CYP20A1: variants seen among roughly 807,000 people sequenced by gnomAD.
The protein encoded by CYP20A1 is cytochrome P450 family 20 subfamily A member 1, also known as cytochrome P450 20A1.
A neutral mutation model predicts 61.4 loss-of-function variants in CYP20A1; 61 were observed. The ratio of observed to expected loss-of-function variants is 0.99; its 90% CI spans 0.81 to 1.23. The LOEUF (loss-of-function observed/expected upper bound fraction) is 1.23. CYP20A1 is among the 50% of genes most tolerant of loss of function. The pLI, the probability that CYP20A1 is intolerant of heterozygous loss-of-function variation, is 0.00. For synonymous variants in CYP20A1, 193 were observed against 188.2 expected (o/e 1.03, Z -0.21); for missense variants, 530 against 542.4 (o/e 0.98, Z 0.23).
intron 5 of CYP20A1, among the ~76,000 whole-genome samples, chr2:203,269,774 G>A (rs72938330): frequency 0.027 from 4,096 of 152,060 alleles, 109 homozygotes; most frequent in African/African-American, 0.068. Context: ...GATTGTAGGT[G>A]CTTGTCACCA....
At chr2:203,241,465 C>T (rs2066252295) in intron 1 of CYP20A1, among the ~76,000 whole-genome samples, 1 of 152,092 alleles carries the variant, frequency 6.6e-6, no homozygotes, top group Non-Finnish European at 1.5e-5. Context: ...GAGAAGAGGT[C>T]CCAGGGACCA....
At chr2:203,268,099 TATCTATCC>T (rs766675088) in intron 5 of CYP20A1, among the ~76,000 whole-genome samples, 7 of 152,300 alleles carry the variant, frequency 4.6e-5, no homozygotes, top group Non-Finnish European at 7.4e-5. Flanking sequence ...CTTCTATCTT[TATCTATCC>T]ATCTATCTAT....
rs144399920 is a variant in CYP20A1 at position 203,295,943 on chromosome 2, G to A, written c.1149-531G>A. 3.2e-3 allele frequency among the ~76,000 whole-genome samples: 481 copies of A among 151,466 alleles called. 1 individual carries two copies. Among genetic ancestry groups the A allele is most frequent in the Non-Finnish European group, 4.2e-3 (282 of 67,910 alleles). On this transcript the variant is annotated intron_variant, in intron 11 of 12. Coordinates refer to ENST00000356079, the MANE Select transcript of CYP20A1 (RefSeq NM_177538.3). Reference sequence around the variant, plus strand: ...CAGCCTGGTGACAGAACAAGACTCCGTCTCAAAAAAAGAAAAAAAAAGAGA... The same window carrying A: ...CAGCCTGGTGACAGAACAAGACTCCATCTCAAAAAAAGAAAAAAAAAGAGA...
chr2:203,240,255 C>G (rs1454280405), intron 1 of CYP20A1, among the ~76,000 whole-genome samples: 2 of 152,364 alleles, frequency 1.3e-5, no homozygotes, highest in East Asian at 3.8e-4. Context: ...AATCTTGCAA[C>G]TACACAATCA....
intron 5 of CYP20A1, among the ~76,000 whole-genome samples, chr2:203,270,838 G>C (rs2067534046): frequency 6.8e-6 from 1 of 146,764 alleles, no homozygotes; most frequent in Non-Finnish European, 1.5e-5. Context: ...TGAGTAGCTG[G>C]GACCACAGAT....
In CYP20A1 at chr2:203,301,221, A is replaced by G. The variant is rs2069009048; in HGVS notation, c.*4313A>G. 1.3e-5 allele frequency among the ~76,000 whole-genome samples: 2 copies of G among 149,700 alleles called. No homozygotes were observed. Among genetic ancestry groups the G allele is most frequent in the Non-Finnish European group, 3.0e-5 (2 of 67,404 alleles). The stretch of plus-strand genomic sequence containing the variant: ...AAAAAAAAAAAAAAACCATACGTAC[A>G]TAACTTTTTTTCTTTTTCTTTTCTT... On this transcript the variant is annotated 3_prime_UTR_variant, in exon 13 of 13. Transcript: ENST00000356079.
chr2:203,278,453 GT>G (rs1365388160), intron 6 of CYP20A1, 119 bp from the exon 7 acceptor site: 15 of 482,244 alleles, frequency 3.1e-5, no homozygotes, highest in African/African-American at 2.6e-4. Flanking sequence ...AGCTTTCTTT[GT>G]TGTTGGTTAC....
chr2:203,250,382 T>G (rs577039819), intron 3 of CYP20A1, among the ~76,000 whole-genome samples: 1 of 152,296 alleles, frequency 6.6e-6, no homozygotes, highest in East Asian at 1.9e-4. Context: ...CCCTTTTTTG[T>G]GGAAGAGAAA....
chr2:203,305,147 C>T lies in CYP20A1; in HGVS notation c.*8239C>T, dbSNP rs898244748. ...TATAAACAAGGTAATAAATCACACT[C>T]TTCCAGTTCTACTCCCAATTTAATT... On this transcript the variant is annotated 3_prime_UTR_variant, in exon 13 of 13. Transcript: ENST00000356079. Among the ~76,000 whole-genome samples, 8 of 149,524 alleles carry T rather than the reference C, an allele frequency of 5.4e-5. No homozygotes were observed. Among genetic ancestry groups the T allele is most frequent in the African/African-American group, 2.0e-4 (8 of 40,586 alleles).
chr2:203,290,868 C>T (rs2068503394), intron 10 of CYP20A1, among the ~76,000 whole-genome samples: 1 of 152,148 alleles, frequency 6.6e-6, no homozygotes, highest in African/African-American at 2.4e-5. Flanking sequence ...GTCTCGAACT[C>T]TTGGCCTCAA....
chr2:203,258,067 A>G lies in CYP20A1; in HGVS notation c.432+5958A>G, dbSNP rs147881456. Among the ~76,000 whole-genome samples, 22 of 54,716 alleles carry G rather than the reference A, an allele frequency of 4.0e-4. 1 individual carries two copies. The highest frequency in any genetic ancestry group is 8.4e-4 in the African/African-American group (22 of 26,346). 35.9% of individuals were successfully genotyped at this position (54,716 alleles called of 152,430 possible). ...CAGGCACGTGCCACCCTGCCCAGCT[A>G]ATTTTTGTATTTTTATGTAGAGATG... On this transcript the variant is annotated intron_variant, in intron 4 of 12. Transcript: ENST00000356079.
chr2:203,281,096 A>T (rs1180255395), intron 8 of CYP20A1, among the ~76,000 whole-genome samples: 1 of 152,216 alleles, frequency 6.6e-6, no homozygotes, highest in Non-Finnish European at 1.5e-5. Flanking sequence ...AATATTTGAT[A>T]TGTTTCTAAG....
chr2:203,242,303 G>C (rs1211359843), intron 1 of CYP20A1, among the ~76,000 whole-genome samples: 1 of 152,154 alleles, frequency 6.6e-6, no homozygotes, highest in African/African-American at 2.4e-5. Context: ...AAGAAGAGCG[G>C]TTTCAGTGTA....
intron 4 of CYP20A1, among the ~76,000 whole-genome samples, chr2:203,257,366 T>G (rs748732570): frequency 7.2e-5 from 11 of 152,140 alleles, no homozygotes; most frequent in Non-Finnish European, 1.5e-4. Context: ...TTATTTTCCT[T>G]TCCCTCTTCT....
intron 6 of CYP20A1, among the ~76,000 whole-genome samples, chr2:203,278,108 T>G (rs767532166): frequency 2.6e-5 from 4 of 152,092 alleles, no homozygotes; most frequent in Non-Finnish European, 4.4e-5. Flanking sequence ...AAACCCCGTC[T>G]CTACCAAAAA....
rs911117847 is a variant in CYP20A1 at position 203,299,056 on chromosome 2, A to G, written c.*2148A>G. Reference sequence around the variant, plus strand: ...GTCTCAAAAAAAAAAGGAGTATCTTAAGTGTCTTTCAAAATTACACTTTAG... The same window carrying G: ...GTCTCAAAAAAAAAAGGAGTATCTTGAGTGTCTTTCAAAATTACACTTTAG... On this transcript the variant is annotated 3_prime_UTR_variant, in exon 13 of 13. Transcript: ENST00000356079. Among the ~76,000 whole-genome samples the G allele has an allele frequency of 1.3e-5, 2 of 152,108 alleles. No homozygotes were observed. Among genetic ancestry groups the G allele is most frequent in the Admixed American group, 1.3e-4 (2 of 15,254 alleles).
rs1291381337 is a variant in CYP20A1 at position 203,304,444 on chromosome 2, AC to A, written c.*7538del. Reference sequence around the variant, plus strand: ...GATCTCCTGACCTTGTGATCTGTCCACCGCGGCTTCCCAAAGTGCTGGGATT... The same window carrying A: ...GATCTCCTGACCTTGTGATCTGTCCACGCGGCTTCCCAAAGTGCTGGGATT... On this transcript the variant is annotated 3_prime_UTR_variant, in exon 13 of 13. Transcript: ENST00000356079. 1.3e-5 allele frequency among the ~76,000 whole-genome samples: 2 copies of A among 152,056 alleles called. No homozygotes were observed. The highest frequency in any genetic ancestry group is 2.9e-5 in the Non-Finnish European group (2 of 68,004).
At chr2:203,248,082 C>T (rs2066523036) in intron 3 of CYP20A1, among the ~76,000 whole-genome samples, 1 of 151,868 alleles carries the variant, frequency 6.6e-6, no homozygotes, top group African/African-American at 2.4e-5. Flanking sequence ...AAAAATTAGC[C>T]AGATGTGATA....
Position 203,239,028 on chromosome 2 carries a change from C to T in CYP20A1, c.-35C>T, listed in dbSNP as rs775580836. The stretch of plus-strand genomic sequence containing the variant: ...GGCTGAGGCGCTGCTGCTGGAGCGG[C>T]CGATCCGAGACGTGGCTCCCTGGGC... On this transcript the variant is annotated 5_prime_UTR_variant, in exon 1 of 13. Transcript: ENST00000356079. The T allele has an allele frequency of 3.1e-6, 5 of 1,600,684 alleles. No homozygotes were observed. The South Asian group carries it at 3.3e-5, about 11-fold the overall frequency.
Sources: allele counts gnomAD v4.1 joint callset (sites outside exome capture counted in the v4.1 genomes callset), GRCh38; gene constraint gnomAD v4.1.1; transcripts MANE v1.5; gene names NCBI Gene and HGNC (gene_info 2026-07-23, HGNC 2026-07-21).